The following OR9K2 variants were observed in gnomAD, a reference collection of about 807,000 sequenced individuals.
OR9K2 encodes the protein olfactory receptor family 9 subfamily K member 2, also known as olfactory receptor 9K2.
In OR9K2, 16 loss-of-function variants were observed where a neutral mutation model predicts 12.4. The ratio of observed to expected loss-of-function variants is 1.29; its 90% CI spans 0.87 to 1.95. The LOEUF (loss-of-function observed/expected upper bound fraction) is 1.95. Among genes scored for constraint, OR9K2 ranks in the 30% most tolerant of loss-of-function variants. The pLI is 0.00. For synonymous variants in OR9K2, 133 were observed against 133.2 expected, an observed-to-expected ratio of 1.00 and a Z score of 0.01; for missense variants, 434 against 376.5, an observed-to-expected ratio of 1.15 and a Z score of -1.26.
In OR9K2 at chr12:55,132,616, A is replaced by T. The variant is rs747831005; in HGVS notation, c.*1840A>T. On this transcript the variant is annotated 3_prime_UTR_variant, in exon 3 of 3. Coordinates refer to ENST00000641329, the MANE Select transcript of OR9K2 (RefSeq NM_001005243.2). ...CTAAGAAAATTAATTTCTGTTGTTT[A>T]AGAACCCAGTGTGTGGTGTTTTGTT... 4 of 152,240 alleles carry T rather than the reference A, an allele frequency of 2.6e-5. No individual in the cohort carries two copies. Among genetic ancestry groups the T allele is most frequent in the Non-Finnish European group, 5.9e-5 (4 of 68,050 alleles). The allele number at this position is 152,240 out of a possible 1,614,324, so 9.4% of individuals were successfully genotyped here.
rs755781942 is a variant in OR9K2, at chr12:55,130,358, G to A, written c.524G>A (p.Arg175Gln). The change falls in exon 3 of 3, where the codon CGG (arginine) becomes CAG (glutamine). Residue 175 changes from arginine to glutamine, a missense_variant. Arg to Gln is a conservative substitution (Grantham distance 43). Transcript: ENST00000641329. ...TTTACTTTATCTTTTTGCGCTTCTC[G>A]GGCTGTTGACCACTTTTACTGTGAT... Reference protein sequence around the residue: ...MTFTLSFCASRAVDHFYCDSR... With the variant: ...MTFTLSFCASQAVDHFYCDSR... 2.0e-5 allele frequency: 32 copies of A among 1,613,728 alleles called. No homozygotes were observed. The highest frequency in any genetic ancestry group is 2.5e-5 in the Non-Finnish European group (29 of 1,179,906).
At chr12:55,129,715 A>G (rs1265514982) in intron 2 of OR9K2, 111 bp from the exon 3 acceptor site, 2 of 1,285,148 alleles carry the variant, frequency 1.6e-6, no homozygotes, top group Non-Finnish European at 2.2e-6. Context: ...ATTAATAATA[A>G]CATTAATTTA....
Position 55,130,424 on chromosome 12 carries a change from T to A in OR9K2, c.590T>A (p.Ile197Asn), listed in dbSNP as rs1474023014. 1.9e-6 allele frequency: 3 copies of A among 1,613,864 alleles called. No individual in the cohort carries two copies. Among genetic ancestry groups the A allele is most frequent in the East Asian group, 2.2e-5 (1 of 44,880 alleles). ...AGACTGTCTTGTTCTGATCTCTTTA[T>A]CCATAGAATGATATCTTTTTCCTTA... is the stretch of plus-strand genomic sequence containing the variant. ...LQRLSCSDLF[I>N]HRMISFSLSC... is the part of the protein sequence containing the mutation. Residue 197 changes from isoleucine to asparagine, a missense_variant, in exon 3 of 3, where the codon ATC (isoleucine) becomes AAC (asparagine). By Grantham distance (149) the Ile-to-Asn change is moderately radical (BLOSUM62 -3). Transcript: ENST00000641329.
At position 55,130,559 on chromosome 12, in the gene OR9K2, C is replaced by G; in HGVS notation, c.725C>G (p.Ser242Cys). 6.2e-7 allele frequency: 1 copy of G among 1,613,788 alleles called. No homozygotes were observed. Among genetic ancestry groups the G allele is most frequent in the Non-Finnish European group, 8.5e-7 (1 of 1,179,746 alleles). The change falls in exon 3 of 3, where the codon TCC becomes TGC. Residue 242 changes from serine (S) to cysteine (C), a missense_variant. Physicochemically the swap from Ser to Cys is moderately radical, Grantham distance 112 (BLOSUM62 -1). Coordinates refer to ENST00000641329, the MANE Select transcript of OR9K2 (RefSeq NM_001005243.2). ...ACTGAGGGACATAAGAAGGCCTTCT[C>G]CACCTGCAGCTCTCACCTGGGAGTT... ...HSTEGHKKAF[S>C]TCSSHLGVVS... is the part of the protein sequence containing the mutation.
intron 2 of OR9K2, among the ~76,000 whole-genome samples, chr12:55,127,392 C>CA (rs1344253717): frequency 2.6e-5 from 4 of 151,624 alleles, no homozygotes; most frequent in Admixed American, 2.0e-4. Flanking sequence ...TATTATTTTT[C>CA]AAAAAATGAT....
At position 55,130,773 on chromosome 12, in the gene OR9K2, T is replaced by C. The variant is rs1418319683; in HGVS notation, c.939T>C (p.Leu313=). 3 of 1,492,196 alleles carry C rather than the reference T, an allele frequency of 2.0e-6. No homozygotes were observed. The allele number at this position is 1,492,196 out of a possible 1,614,324, so 92.4% of individuals were successfully genotyped here. A position where few individuals can be genotyped will look rare whatever the true frequency, so the allele number is the denominator to read the frequency against. The change falls in exon 3 of 3, where the codon CTT becomes CTC. Residue 313 remains leucine (L), a synonymous_variant. Coordinates refer to ENST00000641329, the MANE Select transcript of OR9K2 (RefSeq NM_001005243.2). Reference sequence around the variant, plus strand: ...TTCTAGAGAAGAAAAATATTATTCTTTGATTATTATTTCTCTTTCACCAAT... The same window carrying C: ...TTCTAGAGAAGAAAAATATTATTCTCTGATTATTATTTCTCTTTCACCAAT... ...KKFLEKKNII[L]
In OR9K2 at chr12:55,129,948, T is replaced by C; in HGVS notation, c.114T>C (p.Tyr38=). Residue 38 remains tyrosine, a synonymous_variant, in exon 3 of 3, where the codon TAT becomes TAC. Transcript: ENST00000641329. ...TCTTCCTGCTATTTTTGTTTGTTTA[T>C]GCCATGATCCTTCTAGGGAATGTTG... ...ILLFLLFLFV[Y]AMILLGNVGM... is the part of the protein sequence containing the mutation. 6.2e-7 allele frequency: 1 copy of C among 1,614,070 alleles called. No homozygotes were observed. The highest frequency in any genetic ancestry group is 8.5e-7 in the Non-Finnish European group (1 of 1,179,954).
At position 55,130,396 on chromosome 12, in the gene OR9K2, C is replaced by A. The variant is rs1335515993; in HGVS notation, c.562C>A (p.Gln188Lys). ...CTTTTACTGTGATTCTCGCCCACTT[C>A]AGAGACTGTCTTGTTCTGATCTCTT... ...DHFYCDSRPL[Q>K]RLSCSDLFIH... The change falls in exon 3 of 3, where the codon CAG (glutamine) becomes AAG (lysine). Residue 188 changes from glutamine (Q) to lysine (K), a missense_variant. Coordinates refer to ENST00000641329, the MANE Select transcript of OR9K2 (RefSeq NM_001005243.2). The A allele has an allele frequency of 2.5e-6, 4 of 1,613,998 alleles. No individual in the cohort carries two copies. Among genetic ancestry groups the A allele is most frequent in the Non-Finnish European group, 3.4e-6 (4 of 1,179,938 alleles).
intron 2 of OR9K2, among the ~76,000 whole-genome samples, chr12:55,128,133 C>T (rs998964910): frequency 6.6e-6 from 1 of 151,668 alleles, no homozygotes; most frequent in East Asian, 1.9e-4. Context: ...CTGCCATTTA[C>T]CAGACACATA....
At position 55,130,505 on chromosome 12, in the gene OR9K2, T is replaced by C; in HGVS notation, c.671T>C (p.Ile224Thr). The C allele has an allele frequency of 1.2e-6, 2 of 1,613,794 alleles. No individual in the cohort carries two copies. Among genetic ancestry groups the C allele is most frequent in the Non-Finnish European group, 1.7e-6 (2 of 1,179,766 alleles). Reference protein sequence around the residue: ...IIVIIVSYMYIVSTVLKIHST... With the variant: ...IIVIIVSYMYTVSTVLKIHST... The stretch of plus-strand genomic sequence containing the variant: ...GTCATTATAGTATCTTACATGTATA[T>C]TGTGTCCACAGTTCTAAAGATACAT... Residue 224 changes from isoleucine to threonine, a missense_variant, in exon 3 of 3, where the codon ATT becomes ACT. By Grantham distance (89) the Ile-to-Thr change is moderately conservative (BLOSUM62 -1). Transcript: ENST00000641329.
At position 55,126,526 on chromosome 12, in the gene OR9K2, G is replaced by T. The variant is rs1953429320; in HGVS notation, c.-94+10G>T. On this transcript the variant is annotated intron_variant, in intron 1 of 2. Transcript: ENST00000641329. Reference sequence around the variant, plus strand: ...TGGATTGATTCCTCAGGTTCACTTTGCTTATCTATAGATTTTTGTTCCTGG... The same window carrying T: ...TGGATTGATTCCTCAGGTTCACTTTTCTTATCTATAGATTTTTGTTCCTGG... The T allele has an allele frequency of 6.6e-6, 1 of 152,088 alleles. No individual in the cohort carries two copies. The highest frequency in any genetic ancestry group is 2.4e-5 in the African/African-American group (1 of 41,414). The allele number at this position is 152,088 out of a possible 1,614,324, so 9.4% of individuals were successfully genotyped here. A position where few individuals can be genotyped will look rare whatever the true frequency, so the allele number is the denominator to read the frequency against.
Position 55,130,213 on chromosome 12 carries a change from A to G in OR9K2, c.379A>G (p.Ile127Val), listed in dbSNP as rs200714875. The G allele has an allele frequency of 1.4e-4, 227 of 1,614,002 alleles. 2 individuals carry two copies. In the South Asian group the frequency reaches 2.2e-3, roughly 15 times the overall value. ...GGCGGCCATGGCTTATGACCGCTTT[A>G]TTGCCATCTGCAACCCTCTGCTCTA... ...LLAAMAYDRF[I>V]AICNPLLYSV... is the part of the protein sequence containing the mutation. Residue 127 changes from isoleucine (I) to valine (V), a missense_variant, in exon 3 of 3, where the codon ATT becomes GTT. Ile to Val is a conservative substitution (Grantham distance 29). Coordinates refer to ENST00000641329, the MANE Select transcript of OR9K2 (RefSeq NM_001005243.2).
In OR9K2 at chr12:55,130,309, TCA is replaced by T. The variant is rs776983614; in HGVS notation, c.476_477del (p.Ser159CysfsTer5). The T allele has an allele frequency of 8.1e-6, 13 of 1,614,040 alleles. No homozygotes were observed. The African/African-American group carries it at 1.7e-4, about 22-fold the overall frequency. ...TTCCTATTTTTGTGGCTGCATTAGC[TCA>T]GTTATTCAGACTAGCATGACATTTA... ...AGSYFCGCIS[S>X]VIQTSMTFTL... On this transcript the variant is annotated frameshift_variant, in exon 3 of 3. Transcript: ENST00000641329. LOFTEE classifies it high-confidence loss of function.
chr12:55,126,453 C>G lies in OR9K2; in HGVS notation c.-157C>G, dbSNP rs865815546. ...ATATCCATGGCAATCTATCCTCTTGCCTTGAAAGCATACAAGTTTCTGAGA... is the reference window on the plus strand; with the variant it reads ...ATATCCATGGCAATCTATCCTCTTGGCTTGAAAGCATACAAGTTTCTGAGA... On this transcript the variant is annotated 5_prime_UTR_variant, in exon 1 of 3. Coordinates refer to ENST00000641329, the MANE Select transcript of OR9K2 (RefSeq NM_001005243.2). The G allele has an allele frequency of 1.3e-5, 2 of 152,238 alleles. No individual in the cohort carries two copies. Among genetic ancestry groups the G allele is most frequent in the Admixed American group, 6.6e-5 (1 of 15,262 alleles). 9.4% of individuals were successfully genotyped at this position (152,238 alleles called of 1,614,324 possible). A position where few individuals can be genotyped will look rare whatever the true frequency, so the allele number is the denominator to read the frequency against.
At position 55,130,224 on chromosome 12, in the gene OR9K2, C is replaced by T. The variant is rs139097998; in HGVS notation, c.390C>T (p.Cys130=). Residue 130 remains cysteine (C), a synonymous_variant, in exon 3 of 3, where the codon TGC becomes TGT. Transcript: ENST00000641329. Reference sequence around the variant, plus strand: ...CTTATGACCGCTTTATTGCCATCTGCAACCCTCTGCTCTACTCTGTTCAAA... The same window carrying T: ...CTTATGACCGCTTTATTGCCATCTGTAACCCTCTGCTCTACTCTGTTCAAA... ...AMAYDRFIAI[C]NPLLYSVQMS... 2.1e-4 allele frequency: 333 copies of T among 1,614,118 alleles called. 1 individual carries two copies. The highest frequency in any genetic ancestry group is 3.0e-4 in the Admixed American group (18 of 60,000).
rs745955809 is a variant in OR9K2 at position 55,129,886 on chromosome 12, GCAGGCTTCAGGGTACGCC to G, written c.56_73del (p.Gly19_Pro24del). The G allele has an allele frequency of 1.2e-6, 2 of 1,613,972 alleles. No individual in the cohort carries two copies. The highest frequency in any genetic ancestry group is 2.7e-5 in the African/African-American group (2 of 75,004). On this transcript the variant is annotated inframe_deletion, in exon 3 of 3. Coordinates refer to ENST00000641329, the MANE Select transcript of OR9K2 (RefSeq NM_001005243.2). ...CTCAGAAATGACTGACTTCATTCTT[GCAGGCTTCAGGGTACGCC>G]CAGAGCTCCACATTCTCCTCTTCCT...
intron 2 of OR9K2, among the ~76,000 whole-genome samples, chr12:55,127,486 C>T (rs536794158): frequency 6.6e-6 from 1 of 152,016 alleles, no homozygotes. Context: ...CTAATGTAAG[C>T]TCTTACTACT....
chr12:55,129,770 T>A, intron 2 of OR9K2, 56 bp from the exon 3 acceptor site: 1 of 1,597,026 alleles, frequency 6.3e-7, no homozygotes, highest in East Asian at 2.2e-5. Flanking sequence ...TTATTTGTAA[T>A]GCTAGGATCC....
intron 2 of OR9K2, among the ~76,000 whole-genome samples, chr12:55,127,916 T>A (rs1030666256): frequency 6.6e-6 from 1 of 152,026 alleles, no homozygotes; most frequent in Non-Finnish European, 1.5e-5. Context: ...ACTTTATATA[T>A]GAGAATACAG....
Sources: allele counts gnomAD v4.1 joint callset (sites outside exome capture counted in the v4.1 genomes callset), GRCh38; gene constraint gnomAD v4.1.1; transcripts MANE v1.5; gene names NCBI Gene and HGNC (gene_info 2026-07-23, HGNC 2026-07-21).